The following ZDHHC19 variants were observed in gnomAD, a reference collection of about 807,000 sequenced individuals.
ZDHHC19 encodes the protein zDHHC palmitoyltransferase 19.
Under a neutral mutation model 33.9 loss-of-function variants are expected in ZDHHC19, and 30 were observed. The observed-to-expected ratio is 0.88, with a 90% confidence interval of 0.66 to 1.20. The LOEUF is 1.20. ZDHHC19 is among the 50% of genes most tolerant of loss of function. ZDHHC19 has a pLI of 0.00. For missense variants in ZDHHC19, 364 were observed against 401.1 expected, an observed-to-expected ratio of 0.91 and a Z score of 0.79; for synonymous variants, 178 against 167.6, an observed-to-expected ratio of 1.06 and a Z score of -0.48.
At chr3:196,206,683 T>TC (rs1453306930) in intron 5 of ZDHHC19, among the ~76,000 whole-genome samples, 13 of 111,600 alleles carry the variant, frequency 1.2e-4, no homozygotes, top group African/African-American at 5.0e-4. Context: ...TCTTTTCTTT[T>TC]TTTTTTTTTT....
At chr3:196,198,156 C>T (rs879342948) in intron 7 of ZDHHC19, 120 bp downstream of exon 7, 1 of 1,021,100 alleles carries the variant, frequency 9.8e-7, no homozygotes, top group Non-Finnish European at 1.3e-6. Flanking sequence ...TCCCCCCAAG[C>T]TCGGAGCGCT....
intron 5 of ZDHHC19, among the ~76,000 whole-genome samples, chr3:196,202,790 C>T (rs116674608): frequency 6.6e-6 from 1 of 152,322 alleles, no homozygotes; most frequent in Non-Finnish European, 1.5e-5. Context: ...AGCACAGCGG[C>T]CGGCTGAAGC....
intron 4 of ZDHHC19, among the ~76,000 whole-genome samples, 186 bp from the exon 5 acceptor site, chr3:196,207,689 C>T (rs1373642654): frequency 1.6e-4 from 1 of 6,222 alleles, no homozygotes; most frequent in South Asian, 4.2e-3. Flanking sequence ...GCCCCGCCCC[C>T]GGACGCCCGC....
rs759144155 is a variant in ZDHHC19 at position 196,211,166 on chromosome 3, T to A, written c.146+4A>T. 6.2e-7 allele frequency: 1 copy of A among 1,614,066 alleles called. No homozygotes were observed. The highest frequency in any genetic ancestry group is 2.2e-5 in the East Asian group (1 of 44,876). The stretch of plus-strand genomic sequence containing the variant: ...AAACCTAACGGCTTGCCTGGAAAAC[T>A]CACGGGAATGCGAAGAAGAGGCCAC... On this transcript the variant is annotated splice_donor_region_variant and intron_variant, in intron 1 of 7. Coordinates refer to ENST00000296326, the MANE Select transcript of ZDHHC19 (RefSeq NM_001039617.2).
chr3:196,197,991 C>T lies in ZDHHC19; in HGVS notation c.*20-266G>A, dbSNP rs911431893. ...TGGCCAAATTATAAACCACGAGACT[C>T]ATCTCAGTCCTGCGAGTAGGTGACT... is the stretch of plus-strand genomic sequence containing the variant. On this transcript the variant is annotated intron_variant, in intron 7 of 7. Transcript: ENST00000296326. This position sits in a 1 kb window ranked among gnomAD's most constrained non-coding sequence, Gnocchi z 4.4. 6.6e-6 allele frequency among the ~76,000 whole-genome samples: 1 copy of T among 152,174 alleles called. No homozygotes were observed. The highest frequency in any genetic ancestry group is 1.5e-5 in the Non-Finnish European group (1 of 68,028).
chr3:196,199,041 C>T, intron 5 of ZDHHC19, 167 bp from the exon 6 acceptor site: 1 of 601,700 alleles, frequency 1.7e-6, no homozygotes, highest in Non-Finnish European at 3.0e-6. Flanking sequence ...CCCCATCCTC[C>T]TCCTCTTGGT....
intron 5 of ZDHHC19, among the ~76,000 whole-genome samples, chr3:196,200,585 AC>A (rs1560131265): frequency 1.3e-5 from 2 of 148,742 alleles, no homozygotes; most frequent in Non-Finnish European, 3.0e-5. Context: ...CGATCTCCTG[AC>A]CTCGTGATCC....
At position 196,203,785 on chromosome 3, in the gene ZDHHC19, G is replaced by A. The variant is rs1722536638; in HGVS notation, c.687+3613C>T. On this transcript the variant is annotated intron_variant, in intron 5 of 7. Transcript: ENST00000296326. The surrounding 1 kb of genome is among the most constrained non-coding windows in gnomAD (Gnocchi z 4.3). ...GGGGAGGGTCCACATGCAGACCAGA[G>A]CGGGCTGATGAGGAAGGGCGGAGCT... Among the ~76,000 whole-genome samples, 1 of 152,220 alleles carries A rather than the reference G, an allele frequency of 6.6e-6. No individual in the cohort carries two copies. The highest frequency in any genetic ancestry group is 2.1e-4 in the South Asian group (1 of 4,832).
chr3:196,206,731 G>T (rs1380209127), intron 5 of ZDHHC19, among the ~76,000 whole-genome samples: 1 of 143,534 alleles, frequency 7.0e-6, no homozygotes, highest in Non-Finnish European at 1.5e-5. Context: ...GCCCAGGCTG[G>T]AGTGCATGGT....
chr3:196,202,912 A>G (rs1265639351), intron 5 of ZDHHC19, among the ~76,000 whole-genome samples: 1 of 151,962 alleles, frequency 6.6e-6, no homozygotes, highest in African/African-American at 2.4e-5. Context: ...ATGTTAAGGG[A>G]GGGTTTTGCT....
intron 2 of ZDHHC19, 54 bp from the exon 3 acceptor site, chr3:196,209,569 CGG>C: frequency 6.3e-7 from 1 of 1,583,746 alleles, no homozygotes; most frequent in Non-Finnish European, 8.6e-7. Context: ...CACCCCGCGG[CGG>C]GGGCAGCTCC....
intron 2 of ZDHHC19, among the ~76,000 whole-genome samples, chr3:196,209,917 CGCG>C (rs1723076977): frequency 6.6e-6 from 1 of 151,826 alleles, no homozygotes; most frequent in African/African-American, 2.4e-5. Context: ...TAGGGCCGGG[CGCG>C]GGGGCTCACG....
chr3:196,200,381 G>C lies in ZDHHC19; in HGVS notation c.688-1507C>G, dbSNP rs1198693595. Among the ~76,000 whole-genome samples, 8 of 138,820 alleles carry C rather than the reference G, an allele frequency of 5.8e-5. 1 individual carries two copies. The Admixed American group carries it at 6.0e-4, about 10-fold the overall frequency. The allele number at this position is 138,820 out of a possible 152,430, so 91.1% of individuals were successfully genotyped here. On this transcript the variant is annotated intron_variant, in intron 5 of 7. Transcript: ENST00000296326. ...ATAATTTTTTTTTTTTTGAGATGGA[G>C]TCTTGCTCTGTCACCCAGGCTGGAG...
intron 5 of ZDHHC19, among the ~76,000 whole-genome samples, chr3:196,205,060 CGA>C (rs1158051736): frequency 1.3e-5 from 2 of 152,054 alleles, no homozygotes; most frequent in Non-Finnish European, 2.9e-5. Context: ...GAGCCAAGAT[CGA>C]GCCACTGCAC....
In ZDHHC19 at chr3:196,203,980, C is replaced by T. The variant is rs1461524289; in HGVS notation, c.687+3418G>A. ...CAGTTTTCCTAGAACAGCCAGTGAC[C>T]TGCTGAAGGAGTCTCATGGCGCGGA... On this transcript the variant is annotated intron_variant, in intron 5 of 7. Coordinates refer to ENST00000296326, the MANE Select transcript of ZDHHC19 (RefSeq NM_001039617.2). The surrounding 1 kb of genome is among the most constrained non-coding windows in gnomAD (Gnocchi z 4.3). Among the ~76,000 whole-genome samples the T allele has an allele frequency of 1.3e-5, 2 of 149,492 alleles. No homozygotes were observed. Among genetic ancestry groups the T allele is most frequent in the African/African-American group, 5.2e-5 (2 of 38,826 alleles).
chr3:196,209,370 A>G lies in ZDHHC19; in HGVS notation c.408+6T>C. On this transcript the variant is annotated splice_donor_region_variant and intron_variant, in intron 3 of 7. Transcript: ENST00000296326. ...ATGGCTGGTGGACAGGTAGAGGGGC[A>G]CTCACCTCCACACAGATGTTGCACC... 6.3e-7 allele frequency: 1 copy of G among 1,592,902 alleles called. No homozygotes were observed. Among genetic ancestry groups the G allele is most frequent in the South Asian group, 1.1e-5 (1 of 87,752 alleles).
At position 196,203,401 on chromosome 3, in the gene ZDHHC19, C is replaced by T. The variant is rs924825652; in HGVS notation, c.687+3997G>A. On this transcript the variant is annotated intron_variant, in intron 5 of 7. Transcript: ENST00000296326. The surrounding 1 kb of genome is among the most constrained non-coding windows in gnomAD (Gnocchi z 4.3). ...ATTTTACAGTTGGGGAAAGTGGACGCCTAGGTGGCTAAGTAATATACCCAG... is the reference window on the plus strand; with the variant it reads ...ATTTTACAGTTGGGGAAAGTGGACGTCTAGGTGGCTAAGTAATATACCCAG... Among the ~76,000 whole-genome samples the T allele has an allele frequency of 2.6e-5, 4 of 152,160 alleles. No individual in the cohort carries two copies. The highest frequency in any genetic ancestry group is 5.9e-5 in the Non-Finnish European group (4 of 68,040).
chr3:196,206,595 C>G (rs1722748908), intron 5 of ZDHHC19, among the ~76,000 whole-genome samples: 1 of 151,982 alleles, frequency 6.6e-6, no homozygotes, highest in Non-Finnish European at 1.5e-5. Context: ...TCAAGTGATC[C>G]TCCTGCCTCA....
At chr3:196,209,540 C>T in intron 2 of ZDHHC19, 25 bp from the exon 3 acceptor site, 1 of 1,609,576 alleles carries the variant, frequency 6.2e-7, no homozygotes, top group Non-Finnish European at 8.5e-7. Context: ...GGATTGGGCA[C>T]AGCAGAAGGC....
Sources: gnomAD v4.1 joint callset for allele counts (sites outside exome capture counted in the v4.1 genomes callset) on GRCh38, gnomAD v4.1.1 for gene constraint, Gnocchi (gnomAD v3.1) non-coding constraint, MANE v1.5 for transcripts, NCBI Gene and HGNC (gene_info 2026-07-23, HGNC 2026-07-21) for gene names.